The following C8orf34 variants were observed in gnomAD, a reference collection of about 807,000 sequenced individuals.
The protein encoded by C8orf34 is chromosome 8 open reading frame 34.
A neutral mutation model predicts 68.3 loss-of-function variants in C8orf34; 65 were observed. The observed-to-expected ratio is 0.95, with a 90% CI of 0.78 to 1.17. C8orf34 has a LOEUF of 1.17. C8orf34 is among the 50% of genes most tolerant of loss of function. The pLI is 0.00. For missense variants in C8orf34, 664 were observed against 655.4 expected (o/e 1.01, Z -0.14); for synonymous variants, 244 against 241.2 (o/e 1.01, Z -0.11).
intron 1 of C8orf34, among the ~76,000 whole-genome samples, chr8:68,425,609 T>G (rs1810175169): frequency 6.6e-6 from 1 of 152,082 alleles, no homozygotes; most frequent in Admixed American, 6.6e-5. Context: ...AGCATCTCCA[T>G]AAATTGATGT....
intron 8 of C8orf34, among the ~76,000 whole-genome samples, chr8:68,665,566 G>C (rs943051019): frequency 6.6e-6 from 1 of 151,964 alleles, no homozygotes; most frequent in African/African-American, 2.4e-5. Context: ...ACATCATTTC[G>C]TACCATTCTC....
chr8:68,620,784 CTTT>C (rs796946701), intron 7 of C8orf34, among the ~76,000 whole-genome samples: 1 of 145,352 alleles, frequency 6.9e-6, no homozygotes, highest in Non-Finnish European at 1.5e-5. Context: ...TTAGTTTTAG[CTTT>C]TTTTTTTTCC....
At chr8:68,604,219 G>A (rs1276072083) in intron 7 of C8orf34, among the ~76,000 whole-genome samples, 1 of 151,860 alleles carries the variant, frequency 6.6e-6, no homozygotes, top group African/African-American at 2.4e-5. Context: ...AGAAACAAAT[G>A]GAAGAGAAGA....
Position 68,514,693 on chromosome 8 carries a change from G to A in C8orf34, c.766-7106G>A, listed in dbSNP as rs373818851. 3.6e-4 allele frequency among the ~76,000 whole-genome samples: 55 copies of A among 152,226 alleles called. No individual in the cohort carries two copies. The East Asian group carries it at 6.0e-3, about 17-fold the overall frequency. ...TATTAAAATTATTTATTAAGATAGC[G>A]TATAATTTGCTTTTCTAGCCTATAG... On this transcript the variant is annotated intron_variant, in intron 5 of 13. Transcript: ENST00000518698.
intron 12 of C8orf34, among the ~76,000 whole-genome samples, chr8:68,799,468 C>T (rs910985597): frequency 5.3e-5 from 8 of 152,148 alleles, no homozygotes; most frequent in African/African-American, 1.9e-4. Flanking sequence ...TTCATACCAG[C>T]CAAGGTGTTT....
intron 3 of C8orf34, among the ~76,000 whole-genome samples, chr8:68,448,216 G>A (rs10504424): frequency 0.048 from 7,302 of 152,198 alleles, 245 homozygotes; most frequent in Non-Finnish European, 0.075. Context: ...ATGCTATGTA[G>A]CCACAGGGTG....
chr8:68,658,235 T>G (rs1039788606), intron 8 of C8orf34, among the ~76,000 whole-genome samples: 1 of 152,188 alleles, frequency 6.6e-6, no homozygotes, highest in African/African-American at 2.4e-5. Context: ...AGTAGTTTCT[T>G]AAATACTCCA....
chr8:68,465,053 T>C (rs1812047490), intron 3 of C8orf34, among the ~76,000 whole-genome samples: 1 of 151,844 alleles, frequency 6.6e-6, no homozygotes, highest in Admixed American at 6.6e-5. Context: ...CCTGCTCATC[T>C]GACAAAGGGC....
intron 8 of C8orf34, among the ~76,000 whole-genome samples, chr8:68,702,646 A>G (rs530829849): frequency 3.9e-5 from 6 of 152,244 alleles, no homozygotes; most frequent in Admixed American, 1.3e-4. Flanking sequence ...TGAACCTGAA[A>G]TCTGAATGCC....
chr8:68,701,675 A>C (rs1291321200), intron 8 of C8orf34, among the ~76,000 whole-genome samples: 1 of 152,004 alleles, frequency 6.6e-6, no homozygotes, highest in Admixed American at 6.6e-5. Flanking sequence ...GTCTATTATC[A>C]ATACAGCAGG....
At chr8:68,394,779 C>T (rs1808622553) in intron 1 of C8orf34, among the ~76,000 whole-genome samples, 1 of 151,836 alleles carries the variant, frequency 6.6e-6, no homozygotes, top group Non-Finnish European at 1.5e-5. Flanking sequence ...ATCTAGTGGC[C>T]ACCATTAGTG....
At chr8:68,700,073 A>G (rs528720000) in intron 8 of C8orf34, among the ~76,000 whole-genome samples, 3 of 152,266 alleles carry the variant, frequency 2.0e-5, no homozygotes, top group South Asian at 2.1e-4. Context: ...ATCTTCATGC[A>G]TTGCTACTTA....
chr8:68,817,401 G>T (rs1264621484), intron 13 of C8orf34, among the ~76,000 whole-genome samples: 1 of 152,048 alleles, frequency 6.6e-6, no homozygotes, highest in African/African-American at 2.4e-5. Context: ...TAAATAAAAA[G>T]TGTGTGCAAA....
At chr8:68,598,388 G>A (rs547088221) in intron 7 of C8orf34, among the ~76,000 whole-genome samples, 22 of 152,218 alleles carry the variant, frequency 1.4e-4, no homozygotes, top group African/African-American at 5.1e-4. Context: ...CGGGTACCGA[G>A]GGTTCTTGGG....
chr8:68,355,653 T>C (rs754527655), intron 1 of C8orf34, among the ~76,000 whole-genome samples: 4 of 152,170 alleles, frequency 2.6e-5, no homozygotes, highest in Non-Finnish European at 5.9e-5. Flanking sequence ...TTTTAGGTTG[T>C]AGCTCTGGTA....
chr8:68,477,047 C>A (rs1177644966), intron 4 of C8orf34, among the ~76,000 whole-genome samples: 1 of 152,102 alleles, frequency 6.6e-6, no homozygotes, highest in Admixed American at 6.5e-5. Context: ...TAGGAAGTTG[C>A]CATGTCAGCT....
intron 1 of C8orf34, among the ~76,000 whole-genome samples, chr8:68,386,019 C>T (rs1260377971): frequency 6.6e-6 from 1 of 152,128 alleles, no homozygotes; most frequent in Non-Finnish European, 1.5e-5. Context: ...CCTACTTTAC[C>T]TCCAGAGTAG....
At chr8:68,489,527 A>G (rs1032725651) in intron 5 of C8orf34, among the ~76,000 whole-genome samples, 1 of 152,228 alleles carries the variant, frequency 6.6e-6, no homozygotes, top group African/African-American at 2.4e-5. Context: ...CATTTTATAC[A>G]CATCACCTGG....
At chr8:68,603,724 A>C (rs1817773874) in intron 7 of C8orf34, among the ~76,000 whole-genome samples, 1 of 152,090 alleles carries the variant, frequency 6.6e-6, no homozygotes, top group Non-Finnish European at 1.5e-5. Flanking sequence ...AAAAAACCAC[A>C]GTGGGGATAT....
Sources: allele counts gnomAD v4.1 joint callset (sites outside exome capture counted in the v4.1 genomes callset), GRCh38; gene constraint gnomAD v4.1.1; transcripts MANE v1.5; gene names NCBI Gene and HGNC (gene_info 2026-07-23, HGNC 2026-07-21).